Variants in FLT1 observed in about 807,000 individuals in gnomAD.
FLT1 encodes fms related receptor tyrosine kinase 1, also known as vascular endothelial growth factor receptor 1.
In FLT1, 49 loss-of-function variants were observed where a neutral mutation model predicts 156.3. That is an observed-to-expected ratio of 0.31 (90% confidence interval 0.25 to 0.40). The LOEUF is 0.40. Among genes scored for constraint, FLT1 ranks in the 10% least tolerant of loss-of-function variants. The probability of loss-of-function intolerance (pLI) is 1.00; values close to 1 mark genes in which losing one functional copy is unlikely to be tolerated. For synonymous variants in FLT1, 594 were observed against 583.8 expected (o/e 1.02, Z -0.25); for missense variants, 1,322 against 1,637.2 (o/e 0.81, Z 3.32).
intron 1 of FLT1, among the ~76,000 whole-genome samples, chr13:28,490,340 T>C (rs897731060): frequency 1.3e-5 from 2 of 152,264 alleles, no homozygotes; most frequent in Non-Finnish European, 2.9e-5. Flanking sequence ...CCAGGAATTC[T>C]TGACATCTCC....
chr13:28,483,814 A>G (rs1363758701), intron 1 of FLT1, among the ~76,000 whole-genome samples: 3 of 152,232 alleles, frequency 2.0e-5, no homozygotes, highest in Admixed American at 2.0e-4. Context: ...CTTTTCTCAT[A>G]AATATGACAG....
chr13:28,408,729 C>T (rs979106850), intron 10 of FLT1, among the ~76,000 whole-genome samples: 6 of 152,166 alleles, frequency 3.9e-5, no homozygotes, highest in Non-Finnish European at 1.5e-5. Flanking sequence ...GATAAGAAAG[C>T]TCCCATGCAC....
chr13:28,357,889 T>TTTTTTC (rs1491354372), intron 14 of FLT1, among the ~76,000 whole-genome samples: 1 of 145,182 alleles, frequency 6.9e-6, no homozygotes, highest in Non-Finnish European at 1.5e-5. Context: ...TTTTTTTTTT[T>TTTTTTC]CTGCAGGCTT....
intron 15 of FLT1, among the ~76,000 whole-genome samples, chr13:28,348,034 C>T (rs1292074786): frequency 1.3e-5 from 2 of 152,190 alleles, no homozygotes; most frequent in Admixed American, 6.5e-5. Context: ...GCCATAGTCC[C>T]CGCCACAAAG....
At chr13:28,483,561 T>A (rs1880977610) in intron 1 of FLT1, among the ~76,000 whole-genome samples, 1 of 152,170 alleles carries the variant, frequency 6.6e-6, no homozygotes, top group Non-Finnish European at 1.5e-5. Flanking sequence ...GTATTCTGGT[T>A]GAAAAAGTGT....
chr13:28,479,948 C>A (rs1880746425), intron 1 of FLT1, among the ~76,000 whole-genome samples: 1 of 152,164 alleles, frequency 6.6e-6, no homozygotes. Flanking sequence ...TTCTGTAGGA[C>A]AAAACCAAAA....
chr13:28,363,921 T>A (rs191579934), intron 14 of FLT1, among the ~76,000 whole-genome samples: 4 of 152,298 alleles, frequency 2.6e-5, no homozygotes. Context: ...GCTTTTTAAT[T>A]GATGGCAAAA....
rs774035998 is a variant in FLT1, at chr13:28,427,268, G to C, written c.1327C>G (p.Leu443Val). 2.0e-5 allele frequency: 32 copies of C among 1,613,908 alleles called. No homozygotes were observed. The highest frequency in any genetic ancestry group is 4.5e-5 in the East Asian group (2 of 44,896). ...KAVSSFPDPA[L>V]YPLGSRQILT... is the part of the protein sequence containing the mutation. ...ATTTGTCTGCTGCCCAGTGGGTAGA[G>C]AGCCGGGTCTGGAAACGATGACACG... The change falls in exon 10 of 30, where the codon CTC (leucine) becomes GTC (valine). Residue 443 changes from leucine to valine, a missense_variant. By Grantham distance (32) the Leu-to-Val change is conservative. Transcript: ENST00000282397.
chr13:28,480,154 T>A (rs905177077), intron 1 of FLT1, among the ~76,000 whole-genome samples: 22 of 152,216 alleles, frequency 1.4e-4, no homozygotes, highest in African/African-American at 3.4e-4. Context: ...ATGCTTCTTA[T>A]CTCTCTTTTA....
intron 12 of FLT1, among the ~76,000 whole-genome samples, chr13:28,392,994 T>C (rs564501529): frequency 2.0e-4 from 31 of 152,104 alleles, no homozygotes; most frequent in Admixed American, 3.9e-4. Flanking sequence ...CCTTAATTCA[T>C]GTTGACTTTT....
intron 25 of FLT1, among the ~76,000 whole-genome samples, chr13:28,313,645 C>T (rs569817756): frequency 7.2e-5 from 11 of 152,194 alleles, no homozygotes; most frequent in African/African-American, 1.7e-4. Context: ...GACTGGTCTC[C>T]GGGAAGAGAT....
intron 15 of FLT1, chr13:28,346,118 C>T (rs1872558088): frequency 1.3e-5 from 2 of 155,440 alleles, no homozygotes; most frequent in Admixed American, 6.4e-5. Context: ...GCCCACATCC[C>T]ACTCCCTTTG....
intron 15 of FLT1, among the ~76,000 whole-genome samples, chr13:28,354,542 C>T (rs973151893): frequency 6.6e-6 from 1 of 152,204 alleles, no homozygotes; most frequent in Non-Finnish European, 1.5e-5. Flanking sequence ...CATTTTCTGG[C>T]ACTATTCTAT....
chr13:28,460,993 C>T (rs1401214733), intron 3 of FLT1, among the ~76,000 whole-genome samples: 4 of 152,086 alleles, frequency 2.6e-5, no homozygotes, highest in South Asian at 2.1e-4. Flanking sequence ...GACAGGGTTT[C>T]ACTACGTTGC....
intron 3 of FLT1, among the ~76,000 whole-genome samples, chr13:28,450,009 T>C (rs945151655): frequency 1.2e-4 from 1 of 8,288 alleles, no homozygotes; most frequent in African/African-American, 6.7e-4. Flanking sequence ...GAAAACCGAT[T>C]CCCCTCAATC....
Position 28,322,824 on chromosome 13 carries a change from T to C in FLT1, c.2919A>G (p.Glu973=). ...SESFASSGFQ[E]DKSLSDVEEE... is the part of the protein sequence containing the mutation. ...CCTCAACATCACTCAGACTTTTATC[T>C]TCCTGAAAGCCGGAGCTCGCAAAGC... Residue 973 remains glutamate (E), a synonymous_variant, in exon 21 of 30, where the codon GAA becomes GAG. Transcript: ENST00000282397. This position sits in a 1 kb window ranked among gnomAD's most constrained non-coding sequence, Gnocchi z 4.3. 6.2e-7 allele frequency: 1 copy of C among 1,614,162 alleles called. No individual in the cohort carries two copies. Among genetic ancestry groups the C allele is most frequent in the Non-Finnish European group, 8.5e-7 (1 of 1,180,030 alleles).
At chr13:28,334,224 G>A (rs1371101052) in intron 17 of FLT1, 95 bp from the exon 18 acceptor site, 2 of 832,096 alleles carry the variant, frequency 2.4e-6, no homozygotes, top group East Asian at 2.4e-5. Flanking sequence ...ATGTGTGCAT[G>A]TGAGGCATGG....
rs569348680 is a variant in FLT1, at chr13:28,301,065, G to A, written c.*2102C>T. ...GGTTTTGCTTTTCTCTTGAAAAGGA[G>A]TATTTATTATGGTCTCTTAATGATT... On this transcript the variant is annotated 3_prime_UTR_variant, in exon 30 of 30. Coordinates refer to ENST00000282397, the MANE Select transcript of FLT1 (RefSeq NM_002019.4). The A allele has an allele frequency of 1.3e-5, 3 of 231,356 alleles. No homozygotes were observed. The highest frequency in any genetic ancestry group is 6.6e-5 in the African/African-American group (3 of 45,208). The allele number at this position is 231,356 out of a possible 1,614,324, so 14.3% of individuals were successfully genotyped here.
intron 11 of FLT1, among the ~76,000 whole-genome samples, chr13:28,399,392 G>C (rs1289483379): frequency 6.6e-6 from 1 of 152,154 alleles, no homozygotes; most frequent in Non-Finnish European, 1.5e-5. Context: ...GCTTGGGAGT[G>C]TTTGAAATTA....
Sources: gnomAD v4.1 joint callset for allele counts (sites outside exome capture counted in the v4.1 genomes callset) on GRCh38, gnomAD v4.1.1 for gene constraint, Gnocchi (gnomAD v3.1) non-coding constraint, MANE v1.5 for transcripts, NCBI Gene and HGNC (gene_info 2026-07-23, HGNC 2026-07-21) for gene names.